TBL1X: variants seen among roughly 807,000 people sequenced by gnomAD.
TBL1X encodes F-box-like/WD repeat-containing protein TBL1X.
Under a neutral mutation model 50.7 loss-of-function variants are expected in TBL1X, and 10 were observed. The observed-to-expected ratio is 0.20, with a 90% CI of 0.12 to 0.33. The LOEUF (loss-of-function observed/expected upper bound fraction) is 0.33. Ranked by LOEUF, TBL1X falls within the 10% of genes least tolerant of loss-of-function variation. The pLI is 1.00. For synonymous variants in TBL1X, 190 were observed against 214.7 expected, an observed-to-expected ratio of 0.88 and a Z score of 1.01; for missense variants, 340 against 504.4, an observed-to-expected ratio of 0.67 and a Z score of 3.12.
chrX:9,468,856 T>C (rs2081794396), intron 1 of TBL1X, among the ~76,000 whole-genome samples: 1 of 111,345 alleles, frequency 9.0e-6, no homozygotes, highest in Non-Finnish European at 1.9e-5. Flanking sequence ...TATTTATTTG[T>C]TTATTTTGAG....
chrX:9,678,133 G>T (rs1194744568), intron 5 of TBL1X, among the ~76,000 whole-genome samples: 1 of 111,773 alleles, frequency 8.9e-6, no homozygotes, highest in Non-Finnish European at 1.9e-5. Flanking sequence ...TTTTTTATTC[G>T]TATTATTATC....
intron 2 of TBL1X, among the ~76,000 whole-genome samples, chrX:9,569,348 C>T (rs1399676044): frequency 2.2e-5 from 2 of 90,641 alleles, no homozygotes; most frequent in African/African-American, 4.2e-5. Context: ...GTGCAGTGTG[C>T]TGTGTGTGTG....
chrX:9,681,453 A>G lies in TBL1X; in HGVS notation c.212-2590A>G, dbSNP rs562534356. On this transcript the variant is annotated intron_variant, in intron 5 of 17. Transcript: ENST00000645353. Reference sequence around the variant, plus strand: ...TCCTTATGTGTGAAACAAAAACAGTACCAACTCCAAACAGCTGCTACAAAG... The same window carrying G: ...TCCTTATGTGTGAAACAAAAACAGTGCCAACTCCAAACAGCTGCTACAAAG... Among the ~76,000 whole-genome samples the G allele has an allele frequency of 6.2e-5, 7 of 112,491 alleles. No homozygotes were observed. The South Asian group carries it at 2.6e-3, about 41-fold the overall frequency.
intron 1 of TBL1X, among the ~76,000 whole-genome samples, chrX:9,479,332 G>C (rs2081866877): frequency 8.9e-6 from 1 of 112,176 alleles, no homozygotes; most frequent in Non-Finnish European, 1.9e-5. Flanking sequence ...TGTAATCCCA[G>C]CTACTCAGGA....
At chrX:9,556,796 TTTTTTGTTTTTG>T (rs939412590) in intron 2 of TBL1X, among the ~76,000 whole-genome samples, 1 of 108,856 alleles carries the variant, frequency 9.2e-6, no homozygotes, top group Non-Finnish European at 1.9e-5. Flanking sequence ...TTGTTTTGTG[TTTTTTGTTTTTG>T]TTTTTGTTTT....
At position 9,688,166 on chromosome X, in the gene TBL1X, G is replaced by GGCAGCAGCGACA. The variant is rs1336581893; in HGVS notation, c.513_524dup (p.Ala172_Ala175dup). 1.7e-6 allele frequency: 2 copies of GGCAGCAGCGACA among 1,196,269 alleles called. No individual in the cohort carries two copies. The highest frequency in any genetic ancestry group is 2.3e-6 in the Non-Finnish European group (2 of 888,527). On this transcript the variant is annotated inframe_insertion, in exon 7 of 18. Transcript: ENST00000645353. ...CGGCGGCGGCGGCGGCTGCGGCCAC[G>GGCAGCAGCGACA]GCAGCAGCGACAGCAGCCACCACGA...
At chrX:9,593,327 G>A (rs913205858) in intron 2 of TBL1X, among the ~76,000 whole-genome samples, 4 of 109,881 alleles carry the variant, frequency 3.6e-5, no homozygotes, top group Admixed American at 2.9e-4. Context: ...GCTTGAACCC[G>A]GGAGGCAGAG....
At position 9,531,264 on chromosome X, in the gene TBL1X, T is replaced by C. The variant is rs762339353; in HGVS notation, c.-131+29415T>C. Reference sequence around the variant, plus strand: ...GAGGGAGGGGAGAGGGAGAGTTCCTTTCATTCATGACAGGATGAACTTTGC... The same window carrying C: ...GAGGGAGGGGAGAGGGAGAGTTCCTCTCATTCATGACAGGATGAACTTTGC... On this transcript the variant is annotated intron_variant, in intron 2 of 17. Transcript: ENST00000645353. Among the ~76,000 whole-genome samples the C allele has an allele frequency of 3.7e-5, 4 of 109,332 alleles. No homozygotes were observed. In the South Asian group the frequency reaches 1.6e-3, roughly 44 times the overall value. The allele number at this position is 109,332 out of a possible 115,157, so 94.9% of individuals were successfully genotyped here. A position where few individuals can be genotyped will look rare whatever the true frequency, so the allele number is the denominator to read the frequency against.
chrX:9,702,680 G>A (rs1393896642), intron 12 of TBL1X, among the ~76,000 whole-genome samples: 2 of 110,957 alleles, frequency 1.8e-5, no homozygotes, highest in Non-Finnish European at 3.8e-5. Flanking sequence ...GGTGGCCAGA[G>A]CCTGGCAGAA....
At chrX:9,471,676 G>C (rs2081815884) in intron 1 of TBL1X, among the ~76,000 whole-genome samples, 1 of 111,816 alleles carries the variant, frequency 8.9e-6, no homozygotes, top group South Asian at 3.7e-4. Flanking sequence ...AGTGATTCCG[G>C]GGAGTGCGGC....
At chrX:9,490,236 G>A (rs1034040625) in intron 1 of TBL1X, among the ~76,000 whole-genome samples, 1 of 111,857 alleles carries the variant, frequency 8.9e-6, no homozygotes. Context: ...CTCCCAAAGT[G>A]CAGGGATTAC....
intron 2 of TBL1X, among the ~76,000 whole-genome samples, chrX:9,576,695 T>TAAAAAAAAAAAAAA (rs146596930): frequency 6.9e-5 from 5 of 72,411 alleles, no homozygotes; most frequent in Non-Finnish European, 7.9e-5. Flanking sequence ...AGCACTACAT[T>TAAAAAAAAAAAAAA]AAAAAAAAAA....
chrX:9,693,978 T>C (rs1028155593), intron 11 of TBL1X, among the ~76,000 whole-genome samples: 3 of 111,377 alleles, frequency 2.7e-5, no homozygotes, highest in African/African-American at 9.8e-5. Flanking sequence ...TAGTGTTAAC[T>C]CCAGGTGCAT....
intron 2 of TBL1X, among the ~76,000 whole-genome samples, chrX:9,529,662 G>T (rs1408629029): frequency 9.1e-6 from 1 of 109,767 alleles, no homozygotes; most frequent in Non-Finnish European, 1.9e-5. Context: ...CCATGGCATG[G>T]TTGGGCGCAG....
intron 2 of TBL1X, among the ~76,000 whole-genome samples, chrX:9,639,596 CA>C (rs2082764741): frequency 8.9e-6 from 1 of 112,254 alleles, no homozygotes; most frequent in Non-Finnish European, 1.9e-5. Flanking sequence ...CCTCATAAAT[CA>C]GTGCAAATGG....
intron 1 of TBL1X, among the ~76,000 whole-genome samples, chrX:9,494,886 CAGGA>C (rs1314461044): frequency 7.1e-5 from 8 of 112,197 alleles, no homozygotes; most frequent in Non-Finnish European, 1.3e-4. Flanking sequence ...AGTTGTAAAA[CAGGA>C]AGGAGGAGTT....
At chrX:9,470,539 G>A (rs192951924) in intron 1 of TBL1X, among the ~76,000 whole-genome samples, 30 of 112,880 alleles carry the variant, frequency 2.7e-4, no homozygotes, top group Middle Eastern at 4.6e-3. Flanking sequence ...ACAGGCGTAA[G>A]CCAGCACGCT....
rs747833965 is a variant in TBL1X, at chrX:9,691,572, G to A, written c.617-7G>A. 1.7e-6 allele frequency: 2 copies of A among 1,209,531 alleles called. No individual in the cohort carries two copies. Among genetic ancestry groups the A allele is most frequent in the South Asian group, 1.8e-5 (1 of 56,638 alleles). ...AGCCACTTGTCTCTTTGTGTTTGCT[G>A]TGACAGATAATCACGCGAAGCCAAT... On this transcript the variant is annotated splice_polypyrimidine_tract_variant and splice_region_variant and intron_variant, in intron 7 of 17. Transcript: ENST00000645353.
In TBL1X at chrX:9,501,786, G is replaced by A. The variant is rs757787841; in HGVS notation, c.-194G>A. The A allele has an allele frequency of 1.8e-5, 2 of 111,188 alleles. No individual in the cohort carries two copies. Among genetic ancestry groups the A allele is most frequent in the Non-Finnish European group, 3.8e-5 (2 of 52,986 alleles). 9.2% of individuals were successfully genotyped at this position (111,188 alleles called of 1,213,427 possible). A position where few individuals can be genotyped will look rare whatever the true frequency, so the allele number is the denominator to read the frequency against. On this transcript the variant is annotated 5_prime_UTR_variant, in exon 2 of 18. It adds an upstream start codon to the 5' untranslated region. Coordinates refer to ENST00000645353, the MANE Select transcript of TBL1X (RefSeq NM_005647.4). ...ATTTTACTGTTTCTTCCAGATTTCCGTGAGGGTGGAAGAAAATCATACCAT... is the reference window on the plus strand; with the variant it reads ...ATTTTACTGTTTCTTCCAGATTTCCATGAGGGTGGAAGAAAATCATACCAT...
Sources: allele counts gnomAD v4.1 joint callset (sites outside exome capture counted in the v4.1 genomes callset), GRCh38; gene constraint gnomAD v4.1.1; transcripts MANE v1.5; gene names NCBI Gene and HGNC (gene_info 2026-07-23, HGNC 2026-07-21).